The following TRMT11 variants were observed in gnomAD, a reference collection of about 807,000 sequenced individuals.
TRMT11 encodes tRNA methyltransferase 11.
Under a neutral mutation model 62.8 loss-of-function variants are expected in TRMT11, and 53 were observed. The observed-to-expected ratio is 0.84, with a 90% CI of 0.68 to 1.06. The LOEUF (loss-of-function observed/expected upper bound fraction) is 1.06, where lower values mean the gene tolerates loss of function less well. Ranked by LOEUF, TRMT11 falls within the 50% of genes least tolerant of loss-of-function variation. The pLI is 0.00. For synonymous variants in TRMT11, 188 were observed against 190.3 expected (o/e 0.99, Z 0.10); for missense variants, 556 against 553.4 (o/e 1.00, Z -0.05).
At chr6:126,076,837 A>G (rs1243327497) in intron 17 of TRMT11, among the ~76,000 whole-genome samples, 1 of 152,176 alleles carries the variant, frequency 6.6e-6, no homozygotes, top group African/African-American at 2.4e-5. Flanking sequence ...AAATGGATTT[A>G]ATTTTGGCAG....
At position 125,993,807 on chromosome 6, in the gene TRMT11, A is replaced by C; in HGVS notation, c.123A>C (p.Gln41His). 1 of 1,609,440 alleles carries C rather than the reference A, an allele frequency of 6.2e-7. No homozygotes were observed. Among genetic ancestry groups the C allele is most frequent in the Non-Finnish European group, 8.5e-7 (1 of 1,176,146 alleles). ...TTGGAGGTCAGTTTGCCAGCAGTCA[A>C]GAAACTTATGGAAAGGTAAGTTAAA... is the stretch of plus-strand genomic sequence containing the variant. ...LLFGGQFASSQETYGKSPFWI... is the reference protein window; with the variant it reads ...LLFGGQFASSHETYGKSPFWI... The change falls in exon 2 of 13, where the codon CAA (glutamine) becomes CAC (histidine). Residue 41 changes from glutamine (Q) to histidine (H), a missense_variant. Gln to His is a conservative substitution (Grantham distance 24). Transcript: ENST00000334379.
chr6:126,005,657 C>T (rs1419737760), intron 7 of TRMT11, among the ~76,000 whole-genome samples: 1 of 151,936 alleles, frequency 6.6e-6, no homozygotes, highest in Non-Finnish European at 1.5e-5. Flanking sequence ...TTTTCTAGTA[C>T]TCTTTTTGGC....
intron 21 of TRMT11, among the ~76,000 whole-genome samples, chr6:126,139,617 C>T (rs1406033627): frequency 6.6e-6 from 1 of 152,108 alleles, no homozygotes; most frequent in Non-Finnish European, 1.5e-5. Context: ...GATCCACCCA[C>T]CTCACTCTCC....
chr6:126,122,091 A>G (rs1300651467), intron 21 of TRMT11, among the ~76,000 whole-genome samples: 2 of 152,052 alleles, frequency 1.3e-5, no homozygotes, highest in Non-Finnish European at 1.5e-5. Context: ...CGTTTTATAA[A>G]GGGGCGTTCC....
chr6:126,138,729 A>G (rs1464969292), intron 21 of TRMT11, among the ~76,000 whole-genome samples: 2 of 152,076 alleles, frequency 1.3e-5, no homozygotes, highest in African/African-American at 4.8e-5. Flanking sequence ...GAATCCAATG[A>G]TATAAGGGTC....
chr6:126,083,605 T>C (rs1411444631), intron 17 of TRMT11, among the ~76,000 whole-genome samples: 1 of 152,182 alleles, frequency 6.6e-6, no homozygotes, highest in Non-Finnish European at 1.5e-5. Context: ...TCACACACTT[T>C]GCCATTTTTG....
At chr6:126,110,874 T>C (rs1490708992) in intron 17 of TRMT11, among the ~76,000 whole-genome samples, 1 of 152,142 alleles carries the variant, frequency 6.6e-6, no homozygotes, top group Non-Finnish European at 1.5e-5. Context: ...AGATGTCAAC[T>C]CTACTTAGTG....
At chr6:126,162,579 T>G (rs1778204038) in intron 21 of TRMT11, among the ~76,000 whole-genome samples, 1 of 152,226 alleles carries the variant, frequency 6.6e-6, no homozygotes, top group South Asian at 2.1e-4. Flanking sequence ...TTTAAAGAAG[T>G]TTTTTGTAAT....
the TRMT11 span, among the ~76,000 whole-genome samples, chr6:126,260,174 G>T: frequency 6.6e-6 from 1 of 152,006 alleles, no homozygotes; most frequent in South Asian, 2.1e-4. Flanking sequence ...TTTGTGGTTT[G>T]GTGTGAAGCT....
intron 17 of TRMT11, among the ~76,000 whole-genome samples, chr6:126,083,606 G>A (rs1182692926): frequency 6.6e-6 from 1 of 152,028 alleles, no homozygotes; most frequent in Non-Finnish European, 1.5e-5. Context: ...CACACACTTT[G>A]CCATTTTTGT....
At chr6:126,200,026 A>G (rs1307539037) in intron 3 of TRMT11, 1 of 152,198 alleles carries the variant, frequency 6.6e-6, no homozygotes. Flanking sequence ...CAGAGATAAG[A>G]GCAATCAGCT....
At chr6:126,114,239 A>AATC (rs1362367722) in intron 18 of TRMT11, among the ~76,000 whole-genome samples, 17 of 152,136 alleles carry the variant, frequency 1.1e-4, no homozygotes, top group African/African-American at 3.4e-4. Flanking sequence ...AACAGTTTGA[A>AATC]AGTTATTGTT....
intron 11 of TRMT11, among the ~76,000 whole-genome samples, chr6:126,014,703 A>G (rs1400686193): frequency 6.6e-6 from 1 of 152,136 alleles, no homozygotes; most frequent in East Asian, 1.9e-4. Flanking sequence ...CTAGTTATGC[A>G]TTTCGTTATC....
At chr6:126,001,897 T>C (rs1261216472) in intron 7 of TRMT11, among the ~76,000 whole-genome samples, 1 of 152,124 alleles carries the variant, frequency 6.6e-6, no homozygotes, top group African/African-American at 2.4e-5. Context: ...TAATATGAAC[T>C]AATGGGTTCT....
At chr6:126,107,528 A>C (rs1194042437) in intron 17 of TRMT11, among the ~76,000 whole-genome samples, 1 of 152,166 alleles carries the variant, frequency 6.6e-6, no homozygotes, top group African/African-American at 2.4e-5. Flanking sequence ...AGCCCTTGCG[A>C]GTAAAATATG....
intron 17 of TRMT11, among the ~76,000 whole-genome samples, chr6:126,060,513 C>T (rs1283742659): frequency 2.6e-5 from 4 of 152,192 alleles, no homozygotes; most frequent in African/African-American, 9.7e-5. Flanking sequence ...TGACTCTGCC[C>T]TCTCTCCAGA....
chr6:126,094,994 C>T (rs1777324957), intron 17 of TRMT11, among the ~76,000 whole-genome samples: 1 of 152,178 alleles, frequency 6.6e-6, no homozygotes, highest in Non-Finnish European at 1.5e-5. Flanking sequence ...TTTCAACTTT[C>T]AAGTATGATG....
At chr6:126,086,137 AAACT>A (rs1316749681) in intron 17 of TRMT11, among the ~76,000 whole-genome samples, 1 of 152,216 alleles carries the variant, frequency 6.6e-6, no homozygotes, top group Non-Finnish European at 1.5e-5. Context: ...GATTTACTTT[AAACT>A]AACAGATTAA....
intron 17 of TRMT11, among the ~76,000 whole-genome samples, chr6:126,069,834 C>T (rs895199757): frequency 8.1e-5 from 12 of 149,046 alleles, no homozygotes; most frequent in African/African-American, 2.7e-4. Context: ...GTAGTGATAC[C>T]TTTGGTTTCT....
Sources: allele counts gnomAD v4.1 joint callset (sites outside exome capture counted in the v4.1 genomes callset), GRCh38; gene constraint gnomAD v4.1.1; transcripts MANE v1.5; gene names NCBI Gene and HGNC (gene_info 2026-07-23, HGNC 2026-07-21).